TRPM3: variants seen among roughly 807,000 people sequenced by gnomAD.
TRPM3 encodes the protein transient receptor potential cation channel subfamily M member 3, also known as long transient receptor potential channel 3.
TRPM3 carries 77 observed loss-of-function variants against 181.2 expected under a neutral mutation model. That is an observed-to-expected ratio of 0.42 (90% CI 0.35 to 0.51). The LOEUF (loss-of-function observed/expected upper bound fraction) is 0.51. Among genes scored for constraint, TRPM3 ranks in the 20% least tolerant of loss-of-function variants. The pLI, the probability that TRPM3 is intolerant of heterozygous loss-of-function variation, is 0.01. For missense variants in TRPM3, 1,759 were observed against 2,196.7 expected (o/e 0.80, Z 3.98); for synonymous variants, 745 against 796.4 (o/e 0.94, Z 1.09).
chr9:71,188,527 T>C (rs1023560943), intron 1 of TRPM3, among the ~76,000 whole-genome samples: 10 of 151,924 alleles, frequency 6.6e-5, no homozygotes, highest in Non-Finnish European at 8.8e-5. Context: ...ATAAATACTA[T>C]AATGATTATT....
At chr9:70,846,258 TG>T in intron 4 of TRPM3, 119 bp downstream of exon 4, 1 of 896,990 alleles carries the variant, frequency 1.1e-6, no homozygotes, top group Non-Finnish European at 1.8e-6. Flanking sequence ...CCAGCAACTA[TG>T]GACCCATGGG....
At chr9:70,988,465 A>T (rs1458178023) in intron 1 of TRPM3, among the ~76,000 whole-genome samples, 1 of 152,186 alleles carries the variant, frequency 6.6e-6, no homozygotes, top group South Asian at 2.1e-4. Context: ...TAAGACAGTT[A>T]GTTCCCTACC....
chr9:70,739,769 C>CA (rs1326065947), intron 8 of TRPM3, among the ~76,000 whole-genome samples: 1 of 152,044 alleles, frequency 6.6e-6, no homozygotes, highest in African/African-American at 2.4e-5. Context: ...AGGCACCTGC[C>CA]ACCATGTCTG....
At chr9:71,385,475 C>T (rs1393015660) in intron 1 of TRPM3, among the ~76,000 whole-genome samples, 1 of 152,060 alleles carries the variant, frequency 6.6e-6, no homozygotes, top group Non-Finnish European at 1.5e-5. Context: ...CATACAAAGA[C>T]CCAGATTTCT....
At chr9:71,410,854 C>T (rs2093533723) in intron 1 of TRPM3, among the ~76,000 whole-genome samples, 1 of 151,648 alleles carries the variant, frequency 6.6e-6, no homozygotes, top group Non-Finnish European at 1.5e-5. Flanking sequence ...CAAAAATCCT[C>T]AAAATACTGG....
intron 1 of TRPM3, among the ~76,000 whole-genome samples, chr9:71,115,121 A>G (rs2072039415): frequency 6.6e-6 from 1 of 152,118 alleles, no homozygotes; most frequent in East Asian, 1.9e-4. Context: ...TTTTGCTCCC[A>G]CTGTCGACTA....
intron 1 of TRPM3, among the ~76,000 whole-genome samples, chr9:71,282,416 GAAAAAGAAAGA>G (rs949623998): frequency 1.0e-5 from 1 of 98,338 alleles, no homozygotes; most frequent in African/African-American, 4.2e-5. Context: ...GAAAGAAAAA[GAAAAAGAAAGA>G]AAAAAAGAAA....
At chr9:70,652,141 G>C (rs935211368) in intron 9 of TRPM3, among the ~76,000 whole-genome samples, 1 of 152,236 alleles carries the variant, frequency 6.6e-6, no homozygotes, top group East Asian at 1.9e-4. Flanking sequence ...TGTGGAGGAG[G>C]CTTCGAACCT....
intron 1 of TRPM3, among the ~76,000 whole-genome samples, chr9:71,206,610 T>A (rs1282111627): frequency 6.6e-6 from 1 of 152,182 alleles, no homozygotes; most frequent in Non-Finnish European, 1.5e-5. Context: ...TTTGTCAATT[T>A]TAGCTTGTGT....
upstream of TRPM3, among the ~76,000 whole-genome samples, chr9:71,122,328 G>A (rs2073739389): frequency 6.6e-6 from 1 of 152,196 alleles, no homozygotes; most frequent in Non-Finnish European, 1.5e-5. Context: ...GAGAATTAAA[G>A]GACAGTTTTT....
chr9:70,841,658 AT>A (rs11286923), intron 5 of TRPM3, among the ~76,000 whole-genome samples: 7,628 of 114,012 alleles, frequency 0.067, 409 homozygotes, highest in Middle Eastern at 0.12. Context: ...ATATATATAT[AT>A]ATCCCACCAT....
intron 5 of TRPM3, among the ~76,000 whole-genome samples, chr9:70,833,971 G>A (rs1004435131): frequency 2.0e-5 from 3 of 152,002 alleles, no homozygotes; most frequent in African/African-American, 7.3e-5. Context: ...AGGAACATGG[G>A]GGCTGAGAGA....
chr9:70,689,682 A>G (rs565344227), intron 8 of TRPM3, among the ~76,000 whole-genome samples: 1 of 152,222 alleles, frequency 6.6e-6, no homozygotes, highest in East Asian at 1.9e-4. Flanking sequence ...GGCAGCACCA[A>G]TTTACCCTAA....
chr9:71,303,485 G>A (rs1462927658), intron 1 of TRPM3, among the ~76,000 whole-genome samples: 1 of 152,188 alleles, frequency 6.6e-6, no homozygotes, highest in Non-Finnish European at 1.5e-5. Context: ...TTAGAGAAAT[G>A]GCAATAAGTC....
rs573351490 is a variant in TRPM3 at position 71,066,904 on chromosome 9, A to G, written c.177+54274T>C. 2.6e-5 allele frequency among the ~76,000 whole-genome samples: 4 copies of G among 152,296 alleles called. No individual in the cohort carries two copies. In the East Asian group the frequency reaches 7.7e-4, roughly 29 times the overall value. On this transcript the variant is annotated intron_variant, in intron 1 of 25. Transcript: ENST00000677713. ...CTCTGAAATCAAAAGTTAACACCTT[A>G]TAAGCTACACATTCATAACCCATAT...
chr9:70,794,161 G>GT (rs1206051254), intron 6 of TRPM3, among the ~76,000 whole-genome samples: 2 of 150,898 alleles, frequency 1.3e-5, no homozygotes. Flanking sequence ...CCAATACCCT[G>GT]TTTAGTGTCA....
At chr9:71,348,537 AG>A (rs1413140710) in intron 1 of TRPM3, among the ~76,000 whole-genome samples, 1 of 147,980 alleles carries the variant, frequency 6.8e-6, no homozygotes, top group African/African-American at 2.5e-5. Flanking sequence ...TTCTGAAAAC[AG>A]TTTATTTATT....
chr9:71,075,966 G>C (rs1347396436), intron 1 of TRPM3, among the ~76,000 whole-genome samples: 1 of 152,136 alleles, frequency 6.6e-6, no homozygotes, highest in Non-Finnish European at 1.5e-5. Context: ...CCAAACTTTA[G>C]TCCCAATCCT....
At chr9:70,978,061 T>A (rs2097324478) in intron 1 of TRPM3, among the ~76,000 whole-genome samples, 1 of 152,182 alleles carries the variant, frequency 6.6e-6, no homozygotes, top group Non-Finnish European at 1.5e-5. Context: ...GCCTCGGTCC[T>A]TCTGGTGACC....
Sources: allele counts gnomAD v4.1 joint callset (sites outside exome capture counted in the v4.1 genomes callset), GRCh38; gene constraint gnomAD v4.1.1; transcripts MANE v1.5; gene names NCBI Gene and HGNC (gene_info 2026-07-23, HGNC 2026-07-21).